GPATCH2: variants seen among roughly 807,000 people sequenced by gnomAD.
GPATCH2 encodes G patch domain-containing protein 2.
Under a neutral mutation model 58.0 loss-of-function variants are expected in GPATCH2, and 51 were observed. That is an observed-to-expected ratio of 0.88 (90% CI 0.70 to 1.11). GPATCH2 has a LOEUF of 1.11. Ranked by LOEUF, GPATCH2 falls within the 50% of genes most tolerant of loss-of-function variation. The pLI, the probability that GPATCH2 is intolerant of heterozygous loss-of-function variation, is 0.00. For missense variants in GPATCH2, 625 were observed against 652.2 expected, an observed-to-expected ratio of 0.96 and a Z score of 0.45; for synonymous variants, 222 against 218.5, an observed-to-expected ratio of 1.02 and a Z score of -0.14.
intron 3 of GPATCH2, 147 bp downstream of exon 3, chr1:217,613,994 C>A (rs534710862): frequency 7.2e-6 from 4 of 552,194 alleles, no homozygotes; most frequent in Admixed American, 3.1e-5. Context: ...ATATAAAAAA[C>A]CAGCTACGAT....
chr1:217,542,820 G>C (rs1313566337), intron 5 of GPATCH2, among the ~76,000 whole-genome samples: 2 of 152,166 alleles, frequency 1.3e-5, no homozygotes, highest in African/African-American at 4.8e-5. Context: ...GAGTTGACAA[G>C]ATATTTTCTT....
At chr1:217,593,753 G>A (rs1667696396) in intron 5 of GPATCH2, among the ~76,000 whole-genome samples, 1 of 151,948 alleles carries the variant, frequency 6.6e-6, no homozygotes, top group Non-Finnish European at 1.5e-5. Context: ...TCGGCAATCT[G>A]TAATATATGG....
chr1:217,491,872 T>A (rs948381495), intron 7 of GPATCH2, 122 bp from the exon 8 acceptor site: 1 of 428,124 alleles, frequency 2.3e-6, no homozygotes, highest in African/African-American at 2.1e-5. Context: ...CTTTTTTTTT[T>A]TTTTTTTAAC....
intron 9 of GPATCH2, among the ~76,000 whole-genome samples, chr1:217,440,275 C>A (rs1659071267): frequency 6.6e-6 from 1 of 152,174 alleles, no homozygotes; most frequent in Admixed American, 6.5e-5. Context: ...GTGATTATTT[C>A]AACAGACACA....
intron 5 of GPATCH2, 185 bp downstream of exon 5, chr1:217,610,136 T>C: frequency 5.8e-6 from 9 of 1,551,652 alleles, no homozygotes; most frequent in Non-Finnish European, 7.8e-6. Flanking sequence ...ACGTAACTAA[T>C]TTATTAGCAT....
chr1:217,592,532 G>GA (rs1253412697), intron 5 of GPATCH2, among the ~76,000 whole-genome samples: 1 of 151,756 alleles, frequency 6.6e-6, no homozygotes, highest in Non-Finnish European at 1.5e-5. Flanking sequence ...ACATGATATT[G>GA]AAAAAATCTA....
intron 8 of GPATCH2, among the ~76,000 whole-genome samples, chr1:217,488,067 AT>A (rs1558427717): frequency 1.3e-5 from 2 of 151,998 alleles, no homozygotes; most frequent in Admixed American, 1.3e-4. Context: ...AAAAAAAAAA[AT>A]TTGGTACTGA....
intron 5 of GPATCH2, among the ~76,000 whole-genome samples, chr1:217,520,616 T>G (rs150561191): frequency 9.8e-4 from 150 of 152,316 alleles, no homozygotes; most frequent in African/African-American, 3.3e-3. Flanking sequence ...TGAAACTGAT[T>G]ATTTTTACCT....
At chr1:217,619,434 G>A (rs533526297) in intron 2 of GPATCH2, among the ~76,000 whole-genome samples, 11 of 152,224 alleles carry the variant, frequency 7.2e-5, no homozygotes, top group African/African-American at 2.2e-4. Context: ...AGTACCAAAA[G>A]CTAAAGGTCT....
At chr1:217,562,823 G>A (rs970810792) in intron 5 of GPATCH2, among the ~76,000 whole-genome samples, 3 of 152,160 alleles carry the variant, frequency 2.0e-5, no homozygotes, top group Non-Finnish European at 2.9e-5. Flanking sequence ...TGCAGTTGTT[G>A]TAAAGGTTAA....
chr1:217,615,979 A>G (rs776677803), intron 2 of GPATCH2, among the ~76,000 whole-genome samples: 1 of 152,132 alleles, frequency 6.6e-6, no homozygotes, highest in Non-Finnish European at 1.5e-5. Context: ...AGTTGACTAA[A>G]AGTAATGTGA....
chr1:217,559,739 C>G (rs994400080), intron 5 of GPATCH2, among the ~76,000 whole-genome samples: 2 of 152,050 alleles, frequency 1.3e-5, no homozygotes, highest in Admixed American at 1.3e-4. Flanking sequence ...CAGGGAGAAA[C>G]CAGAGATTGA....
At chr1:217,544,976 C>T (rs1385721127) in intron 5 of GPATCH2, among the ~76,000 whole-genome samples, 1 of 152,154 alleles carries the variant, frequency 6.6e-6, no homozygotes, top group African/African-American at 2.4e-5. Flanking sequence ...TAATTAGGAA[C>T]CTCATTCAAT....
chr1:217,442,651 T>G (rs1051615698), intron 9 of GPATCH2, among the ~76,000 whole-genome samples: 2 of 152,154 alleles, frequency 1.3e-5, no homozygotes, highest in African/African-American at 4.8e-5. Flanking sequence ...GTATTCTAAC[T>G]CCTGAAATAC....
At chr1:217,534,202 C>T (rs950757651) in intron 5 of GPATCH2, among the ~76,000 whole-genome samples, 7 of 151,908 alleles carry the variant, frequency 4.6e-5, no homozygotes, top group East Asian at 1.9e-4. Context: ...GTCAACAGAA[C>T]GAGACCCTGT....
At chr1:217,488,019 C>T (rs970458793) in intron 8 of GPATCH2, among the ~76,000 whole-genome samples, 5 of 151,900 alleles carry the variant, frequency 3.3e-5, no homozygotes, top group African/African-American at 4.8e-5. Context: ...GGATTACAGG[C>T]GTGAGCCACC....
At chr1:217,499,142 T>C (rs138837799) in intron 6 of GPATCH2, among the ~76,000 whole-genome samples, 110 of 152,162 alleles carry the variant, frequency 7.2e-4, no homozygotes, top group African/African-American at 2.6e-3. Context: ...ACTGTAAACA[T>C]CAAGGACTAG....
chr1:217,615,087 C>CT (rs976491900), intron 2 of GPATCH2, among the ~76,000 whole-genome samples: 39 of 151,698 alleles, frequency 2.6e-4, no homozygotes, highest in Non-Finnish European at 5.2e-4. Context: ...GAAATCATCC[C>CT]TTTTTTTAAT....
intron 5 of GPATCH2, among the ~76,000 whole-genome samples, chr1:217,594,367 AC>A (rs1380651750): frequency 6.6e-6 from 1 of 152,188 alleles, no homozygotes; most frequent in Non-Finnish European, 1.5e-5. Flanking sequence ...AATCAAAATA[AC>A]CAACAGAAGT....
Sources: gnomAD v4.1 joint callset for allele counts (sites outside exome capture counted in the v4.1 genomes callset) on GRCh38, gnomAD v4.1.1 for gene constraint, MANE v1.5 for transcripts, NCBI Gene and HGNC (gene_info 2026-07-23, HGNC 2026-07-21) for gene names.